Variants in DLGAP4 observed in about 807,000 individuals in gnomAD.
The protein encoded by DLGAP4 is DLG associated protein 4.
Under a neutral mutation model 86.9 loss-of-function variants are expected in DLGAP4, and 18 were observed. That is an observed-to-expected ratio of 0.21 (90% CI 0.14 to 0.31). DLGAP4 has a LOEUF of 0.31. DLGAP4 is among the 10% of genes least tolerant of loss of function. DLGAP4 has a pLI of 1.00. For missense variants in DLGAP4, 1,085 were observed against 1,362.6 expected (o/e 0.80, Z 3.21); for synonymous variants, 548 against 574.3 (o/e 0.95, Z 0.65).
intron 2 of DLGAP4, among the ~76,000 whole-genome samples, chr20:36,382,965 G>A (rs539175336): frequency 6.6e-6 from 1 of 152,298 alleles, no homozygotes; most frequent in South Asian, 2.1e-4. Context: ...TCCTTGTTGG[G>A]AAGGGGGAAT....
At chr20:36,426,522 C>CA (rs112450501) in intron 2 of DLGAP4, among the ~76,000 whole-genome samples, 4,436 of 141,324 alleles carry the variant, frequency 0.031, 195 homozygotes, top group African/African-American at 0.1. Flanking sequence ...GACTCTGTCT[C>CA]AAAAAAAAAA....
At chr20:36,318,618 C>T (rs1241279841) in intron 1 of DLGAP4, among the ~76,000 whole-genome samples, 1 of 152,178 alleles carries the variant, frequency 6.6e-6, no homozygotes, top group Non-Finnish European at 1.5e-5. Flanking sequence ...AAGTGATCCT[C>T]CCACCTCAAC....
Position 36,500,598 on chromosome 20 carries a change from C to T in DLGAP4, c.2499C>T (p.Asn833=). 1.3e-6 allele frequency: 2 copies of T among 1,498,646 alleles called. No individual in the cohort carries two copies. Among genetic ancestry groups the T allele is most frequent in the Non-Finnish European group, 8.9e-7 (1 of 1,123,942 alleles). 92.8% of individuals were successfully genotyped at this position (1,498,646 alleles called of 1,614,324 possible). A position where few individuals can be genotyped will look rare whatever the true frequency, so the allele number is the denominator to read the frequency against. The change falls in exon 10 of 13, where the codon AAC becomes AAT. Residue 833 remains asparagine (N), a synonymous_variant. Coordinates refer to ENST00000339266, the MANE Select transcript of DLGAP4 (RefSeq NM_001365621.2). The surrounding 1 kb of genome is among the most constrained non-coding windows in gnomAD (Gnocchi z 4.6). ...CQMDKETKEN[N]LSEEVLGKVL... ...TGGACAAGGAGACCAAAGAGAACAA[C>T]CTCTCTGAAGAAGGTGGGTGCCACA...
chr20:36,487,780 G>A (rs1320462800), intron 7 of DLGAP4, among the ~76,000 whole-genome samples: 1 of 152,082 alleles, frequency 6.6e-6, no homozygotes, highest in African/African-American at 2.4e-5. Context: ...AGAAACCATG[G>A]TAACAAAATT....
At chr20:36,382,479 G>T (rs1241302296) in intron 2 of DLGAP4, among the ~76,000 whole-genome samples, 1 of 150,082 alleles carries the variant, frequency 6.7e-6, no homozygotes, top group Non-Finnish European at 1.5e-5. Flanking sequence ...CTCCTGCCTT[G>T]GCTTAGTTTT....
intron 1 of DLGAP4, among the ~76,000 whole-genome samples, chr20:36,309,025 C>T (rs1310240608): frequency 1.3e-5 from 2 of 151,762 alleles, no homozygotes; most frequent in East Asian, 1.9e-4. Flanking sequence ...GCTCGGGTCC[C>T]CCTGGCGGGC....
intron 2 of DLGAP4, among the ~76,000 whole-genome samples, chr20:36,417,996 G>A (rs2032711521): frequency 6.7e-6 from 1 of 149,722 alleles, no homozygotes; most frequent in African/African-American, 2.5e-5. Context: ...TGTTGGCCAG[G>A]CTAGCCTCAA....
rs1485599874 is a variant in DLGAP4 at position 36,496,743 on chromosome 20, C to G, written c.1687C>G (p.Pro563Ala). 6.2e-7 allele frequency: 1 copy of G among 1,609,204 alleles called. No individual in the cohort carries two copies. Among genetic ancestry groups the G allele is most frequent in the Non-Finnish European group, 8.5e-7 (1 of 1,175,836 alleles). Residue 563 changes from proline to alanine, a missense_variant, in exon 8 of 13, where the codon CCG becomes GCG. Around this residue, in one of 2 missense-constraint regions of DLGAP4, gnomAD observed 1,082 missense variants for 1,344.1 expected, o/e 0.81. Transcript: ENST00000339266. ...CLVAYKKTPP[P>A]VPPRTTSKPF... is the part of the protein sequence containing the mutation. ...AGTGGCGTATAAGAAGACCCCGCCA[C>G]CGGTCCCTCCACGCACCACTTCAAA...
chr20:36,499,305 A>T, intron 8 of DLGAP4: 1 of 1,613,112 alleles, frequency 6.2e-7, no homozygotes, highest in Non-Finnish European at 8.5e-7. Context: ...GATCGATGTG[A>T]TGGCACCCTC....
chr20:36,427,278 A>G (rs2033001069), intron 2 of DLGAP4, among the ~76,000 whole-genome samples: 1 of 152,122 alleles, frequency 6.6e-6, no homozygotes, highest in Non-Finnish European at 1.5e-5. Flanking sequence ...GGAGTTAGAG[A>G]CCAGCCTGGC....
chr20:36,466,946 GTCTCTCTC>G (rs1187637533), intron 7 of DLGAP4, among the ~76,000 whole-genome samples: 4 of 94,976 alleles, frequency 4.2e-5, no homozygotes, highest in African/African-American at 1.6e-4. Flanking sequence ...CTCTCTCTCT[GTCTCTCTC>G]TCTCTCTCTC....
chr20:36,486,579 G>C (rs1489844675), intron 7 of DLGAP4, among the ~76,000 whole-genome samples: 1 of 152,120 alleles, frequency 6.6e-6, no homozygotes, highest in East Asian at 1.9e-4. Context: ...TGTAGGCTAA[G>C]GTAAGCAATG....
At position 36,432,291 on chromosome 20, in the gene DLGAP4, G is replaced by A; in HGVS notation, c.574G>A (p.Glu192Lys). ...AAGCAAGGAGCGGGCCAAGGCTGGG[G>A]AGCCCAAACGGCGCAGCCGCTCCAA... ...AKSKERAKAGEPKRRSRSNIS... is the reference protein window; with the variant it reads ...AKSKERAKAGKPKRRSRSNIS... Residue 192 changes from glutamate to lysine, a missense_variant, in exon 3 of 13, where the codon GAG (glutamate) becomes AAG (lysine). Glu to Lys is a moderately conservative substitution (Grantham distance 56). This residue lies in a region of DLGAP4 where 1,082 missense variants were observed against 1,344.1 expected (regional missense o/e 0.81). Transcript: ENST00000339266. This position sits in a 1 kb window ranked among gnomAD's most constrained non-coding sequence, Gnocchi z 6.5. 6.2e-7 allele frequency: 1 copy of A among 1,613,764 alleles called. No individual in the cohort carries two copies.
chr20:36,371,066 G>A (rs760144499), intron 2 of DLGAP4, among the ~76,000 whole-genome samples: 1 of 152,198 alleles, frequency 6.6e-6, no homozygotes, highest in Admixed American at 6.5e-5. Flanking sequence ...GTGGGTAGTG[G>A]AGCTGCTCTG....
intron 2 of DLGAP4, among the ~76,000 whole-genome samples, chr20:36,414,369 C>T (rs895331379): frequency 2.6e-5 from 4 of 152,200 alleles, no homozygotes; most frequent in Admixed American, 1.3e-4. Context: ...GATCGGTGCC[C>T]GCCCTGCAGC....
At chr20:36,321,517 T>C (rs1192939541) in intron 1 of DLGAP4, among the ~76,000 whole-genome samples, 3 of 152,266 alleles carry the variant, frequency 2.0e-5, no homozygotes, top group Non-Finnish European at 4.4e-5. Flanking sequence ...GGATGTGCTC[T>C]GCCCAGCCTG....
intron 10 of DLGAP4, among the ~76,000 whole-genome samples, chr20:36,503,696 GCCTGGATGGTCTCAATCT>G (rs2036245029): frequency 6.6e-6 from 1 of 151,924 alleles, no homozygotes; most frequent in African/African-American, 2.4e-5. Context: ...CACCATATTA[GCCTGGATGGTCTCAATCT>G]CCTGACCTCA....
intron 10 of DLGAP4, among the ~76,000 whole-genome samples, chr20:36,504,091 A>G (rs2036260559): frequency 6.6e-6 from 1 of 152,080 alleles, no homozygotes; most frequent in African/African-American, 2.4e-5. Flanking sequence ...TTTGTTGTAA[A>G]ATATATATAA....
chr20:36,339,812 C>T (rs1178930648), intron 1 of DLGAP4, among the ~76,000 whole-genome samples: 1 of 152,224 alleles, frequency 6.6e-6, no homozygotes, highest in African/African-American at 2.4e-5. Flanking sequence ...TGTGGAGAGG[C>T]AGAGCCAGTG....
Sources: allele counts gnomAD v4.1 joint callset (sites outside exome capture counted in the v4.1 genomes callset), GRCh38; gene constraint gnomAD v4.1.1; regional missense constraint gnomAD v4.1.1; non-coding constraint Gnocchi (gnomAD v3.1); transcripts MANE v1.5; gene names NCBI Gene and HGNC (gene_info 2026-07-23, HGNC 2026-07-21).